Variants in MICAL2 observed in about 807,000 individuals in gnomAD.
MICAL2 encodes the protein [F-actin]-monooxygenase MICAL2.
In MICAL2, 77 loss-of-function variants were observed where a neutral mutation model predicts 127.3. The observed-to-expected ratio is 0.60, with a 90% CI of 0.50 to 0.73. MICAL2 has a LOEUF of 0.73. MICAL2 is among the 30% of genes least tolerant of loss of function. The pLI, the probability that MICAL2 is intolerant of heterozygous loss-of-function variation, is 0.00. For synonymous variants in MICAL2, 570 were observed against 551.1 expected (o/e 1.03, Z -0.48); for missense variants, 1,351 against 1,434.4 (o/e 0.94, Z 0.94).
chr11:12,350,225 C>A (rs1485271927), intron 33 of MICAL2, among the ~76,000 whole-genome samples: 3 of 152,240 alleles, frequency 2.0e-5, no homozygotes, highest in South Asian at 2.1e-4. Flanking sequence ...ATCCCTGTTC[C>A]CTGGGTCCAT....
At chr11:12,272,702 A>G (rs1176714741), upstream of MICAL2, among the ~76,000 whole-genome samples, 1 of 152,154 alleles carries the variant, frequency 6.6e-6, no homozygotes, top group African/African-American at 2.4e-5. Context: ...CTGTAGGTCT[A>G]AGGGCGAGGG....
intron 1 of MICAL2, among the ~76,000 whole-genome samples, chr11:12,133,848 CTG>C (rs1851621450): frequency 6.6e-6 from 1 of 152,348 alleles, no homozygotes; most frequent in African/African-American, 2.4e-5. Context: ...CCTCTCCTGT[CTG>C]TGTCTCAGGG....
intron 1 of MICAL2, among the ~76,000 whole-genome samples, chr11:12,278,895 G>A (rs1253115895): frequency 6.6e-6 from 1 of 152,222 alleles, no homozygotes; most frequent in East Asian, 1.9e-4. Context: ...CGTTGGGTTT[G>A]AGATGCCGGT....
intron 3 of MICAL2, among the ~76,000 whole-genome samples, chr11:12,188,881 G>T (rs541545945): frequency 6.6e-6 from 1 of 152,256 alleles, no homozygotes; most frequent in African/African-American, 2.4e-5. Context: ...GTTAAAATTT[G>T]TGTCACTATG....
intron 2 of MICAL2, among the ~76,000 whole-genome samples, chr11:12,142,501 T>C (rs1565026976): frequency 6.6e-6 from 1 of 152,202 alleles, no homozygotes; most frequent in Non-Finnish European, 1.5e-5. Flanking sequence ...GCAAAGGGCA[T>C]GGATTACACT....
chr11:12,188,794 T>C (rs576961617), intron 3 of MICAL2, among the ~76,000 whole-genome samples: 1 of 152,286 alleles, frequency 6.6e-6, no homozygotes, highest in East Asian at 1.9e-4. Flanking sequence ...TATAGGATCC[T>C]TGTTAGGACT....
chr11:12,357,125 T>G (rs1022434787), intron 34 of MICAL2, among the ~76,000 whole-genome samples: 1 of 152,168 alleles, frequency 6.6e-6, no homozygotes. Flanking sequence ...CAGACCTACC[T>G]GCTTCCTGGC....
At chr11:12,346,596 T>C (rs1475434369) in intron 32 of MICAL2, among the ~76,000 whole-genome samples, 1 of 152,228 alleles carries the variant, frequency 6.6e-6, no homozygotes, top group East Asian at 1.9e-4. Context: ...CCATTTAGAC[T>C]GAGTGCACCT....
At chr11:12,114,370 C>T (rs1849832532) in intron 1 of MICAL2, among the ~76,000 whole-genome samples, 1 of 152,240 alleles carries the variant, frequency 6.6e-6, no homozygotes, top group Non-Finnish European at 1.5e-5. Context: ...TGTCCACCTG[C>T]AGATATCCTT....
intron 34 of MICAL2, among the ~76,000 whole-genome samples, chr11:12,355,842 C>A (rs997519971): frequency 6.6e-6 from 1 of 152,188 alleles, no homozygotes; most frequent in Admixed American, 6.5e-5. Flanking sequence ...CAACAGAATT[C>A]TAACAAAATC....
At chr11:12,184,895 C>A (rs764130565) in intron 3 of MICAL2, among the ~76,000 whole-genome samples, 11 of 151,514 alleles carry the variant, frequency 7.3e-5, no homozygotes, top group Non-Finnish European at 1.6e-4. Context: ...CCTCCTGAAT[C>A]ATCTGCCTTG....
intron 32 of MICAL2, among the ~76,000 whole-genome samples, chr11:12,349,181 T>C (rs1311476911): frequency 6.6e-6 from 1 of 152,214 alleles, no homozygotes; most frequent in Non-Finnish European, 1.5e-5. Context: ...ACATTAAATA[T>C]CTAAGAAGCA....
In MICAL2 at chr11:12,324,068, C is replaced by T. The variant is rs200727710; in HGVS notation, c.5419C>T (p.Gln1807Ter). ...AGAATTGAAAAGACTCTATAAGGCTCAGGTCAGTAAATAAACTGGACATGA... is the reference window on the plus strand; with the variant it reads ...AGAATTGAAAAGACTCTATAAGGCTTAGGTCAGTAAATAAACTGGACATGA... The change falls in exon 31 of 35, where the codon CAG (glutamine) becomes TAG (stop). Residue 1807 changes from glutamine to a stop codon, truncating the protein, a stop_gained and splice_region_variant. Coordinates refer to the MICAL2 transcript ENST00000646065. LOFTEE classifies it high-confidence loss of function. 6.2e-7 allele frequency: 1 copy of T among 1,609,584 alleles called. No homozygotes were observed. The highest frequency in any genetic ancestry group is 2.2e-5 in the East Asian group (1 of 44,832).
At chr11:12,211,887 G>A (rs1007174125) in intron 6 of MICAL2, among the ~76,000 whole-genome samples, 3 of 152,194 alleles carry the variant, frequency 2.0e-5, no homozygotes, top group Non-Finnish European at 4.4e-5. Context: ...GGCAACCTGG[G>A]CAGGAAAACC....
At chr11:12,132,300 T>C (rs953291973) in intron 1 of MICAL2, among the ~76,000 whole-genome samples, 1 of 152,140 alleles carries the variant, frequency 6.6e-6, no homozygotes, top group Non-Finnish European at 1.5e-5. Context: ...AACATTCCAC[T>C]CTCTTTCAGA....
In MICAL2 at chr11:12,350,071, T is replaced by C. The variant is rs541261399; in HGVS notation, c.5615+134T>C. 10 of 636,656 alleles carry C rather than the reference T, an allele frequency of 1.6e-5. No homozygotes were observed. The African/African-American group carries it at 1.8e-4, about 12-fold the overall frequency. 39.4% of individuals were successfully genotyped at this position (636,656 alleles called of 1,614,324 possible). A position where few individuals can be genotyped will look rare whatever the true frequency, so the allele number is the denominator to read the frequency against. ...GAATAGTGATTGAGGCAAATTGATA[T>C]TTTATGTCTTGCATATCATGCTGGC... On this transcript the variant is annotated intron_variant, in intron 33 of 34. Transcript: ENST00000646065.
At chr11:12,139,726 C>T (rs1852167169) in intron 2 of MICAL2, among the ~76,000 whole-genome samples, 1 of 152,186 alleles carries the variant, frequency 6.6e-6, no homozygotes, top group South Asian at 2.1e-4. Flanking sequence ...ACTGTCCCCT[C>T]TCTGGAGAAA....
In MICAL2 at chr11:12,128,230, C is replaced by G. The variant is rs138781339; in HGVS notation, c.-148-10160C>G. 5.3e-5 allele frequency among the ~76,000 whole-genome samples: 8 copies of G among 152,316 alleles called. No individual in the cohort carries two copies. In the East Asian group the frequency reaches 1.3e-3, roughly 26 times the overall value. On this transcript the variant is annotated intron_variant, in intron 1 of 27. Transcript: ENST00000683283. ...CTAGTTAAAAGTACTACTGTTACCACCAGATCTTACCTTGAAGAAAATGAT... is the reference window on the plus strand; with the variant it reads ...CTAGTTAAAAGTACTACTGTTACCAGCAGATCTTACCTTGAAGAAAATGAT...
intron 8 of MICAL2, among the ~76,000 whole-genome samples, chr11:12,219,664 G>A (rs569359724): frequency 6.6e-6 from 1 of 151,958 alleles, no homozygotes; most frequent in African/African-American, 2.4e-5. Context: ...ACTAAACATG[G>A]CATATTTGGA....
Sources: gnomAD v4.1 joint callset for allele counts (sites outside exome capture counted in the v4.1 genomes callset) on GRCh38, gnomAD v4.1.1 for gene constraint, MANE v1.5 for transcripts, NCBI Gene and HGNC (gene_info 2026-07-23, HGNC 2026-07-21) for gene names.